Variants in TMEM154 observed in about 807,000 individuals in gnomAD.
The protein encoded by TMEM154 is transmembrane protein 154.
Under a neutral mutation model 24.5 loss-of-function variants are expected in TMEM154, and 27 were observed. The ratio of observed to expected loss-of-function variants is 1.10; its 90% confidence interval spans 0.81 to 1.52. The LOEUF (loss-of-function observed/expected upper bound fraction) is 1.52, where lower values mean the gene tolerates loss of function less well. Ranked by LOEUF, TMEM154 falls within the 40% of genes most tolerant of loss-of-function variation. The pLI is 0.00. For missense variants in TMEM154, 228 were observed against 213.4 expected, an observed-to-expected ratio of 1.07 and a Z score of -0.43; for synonymous variants, 67 against 76.8, an observed-to-expected ratio of 0.87 and a Z score of 0.67.
chr4:152,647,237 G>A (rs1368361292), intron 3 of TMEM154: 3 of 984,922 alleles, frequency 3.0e-6, no homozygotes, highest in African/African-American at 3.5e-5. Flanking sequence ...GGGACATAGT[G>A]TGCAGGTGTC....
intron 3 of TMEM154, chr4:152,646,935 G>T: frequency 2.8e-6 from 2 of 702,690 alleles, no homozygotes; most frequent in Admixed American, 2.0e-5. Flanking sequence ...TGTTTTCCCT[G>T]CAGCTCTTTC....
intron 1 of TMEM154, among the ~76,000 whole-genome samples, chr4:152,673,450 G>A (rs1454685111): frequency 1.3e-5 from 2 of 152,056 alleles, no homozygotes; most frequent in Non-Finnish European, 2.9e-5. Context: ...ACAGGCATGC[G>A]CCACCATGCC....
chr4:152,677,166 AGCT>A (rs1728965400), intron 1 of TMEM154, among the ~76,000 whole-genome samples: 1 of 152,180 alleles, frequency 6.6e-6, no homozygotes, highest in South Asian at 2.1e-4. Flanking sequence ...GTCCCAGAAA[AGCT>A]GCTTTCTTAT....
chr4:152,643,368 ATACATT>A (rs1233301345), intron 4 of TMEM154, among the ~76,000 whole-genome samples, 195 bp from the exon 5 acceptor site: 4 of 152,218 alleles, frequency 2.6e-5, no homozygotes, highest in Non-Finnish European at 5.9e-5. Flanking sequence ...ACAAACAAAC[ATACATT>A]TATCACAGGT....
chr4:152,634,573 G>A (rs949516004), intron 6 of TMEM154, among the ~76,000 whole-genome samples: 3 of 152,302 alleles, frequency 2.0e-5, no homozygotes, highest in Admixed American at 6.5e-5. Context: ...GATCATGCCC[G>A]TGTTGTGGAT....
chr4:152,656,180 C>T (rs896298420), intron 1 of TMEM154, among the ~76,000 whole-genome samples: 1 of 152,130 alleles, frequency 6.6e-6, no homozygotes, highest in Admixed American at 6.5e-5. Context: ...TACTTGGGAC[C>T]CAGCGTGTTG....
chr4:152,667,848 T>G (rs961069880), intron 1 of TMEM154, among the ~76,000 whole-genome samples: 1 of 152,258 alleles, frequency 6.6e-6, no homozygotes, highest in African/African-American at 2.4e-5. Flanking sequence ...GGTTGTCTGG[T>G]AAAACACTTT....
chr4:152,670,155 C>T (rs993851219), intron 1 of TMEM154: 1 of 152,132 alleles, frequency 6.6e-6, no homozygotes, highest in Non-Finnish European at 1.5e-5. Flanking sequence ...TGGGTCTGAA[C>T]TTGTGTTCAT....
chr4:152,637,981 C>T (rs888794822), intron 6 of TMEM154, among the ~76,000 whole-genome samples: 7 of 152,102 alleles, frequency 4.6e-5, no homozygotes, highest in African/African-American at 9.7e-5. Context: ...TCAGACTGGG[C>T]GAGGCACAGT....
chr4:152,661,341 T>TCTCTCC (rs1554013049), intron 1 of TMEM154, among the ~76,000 whole-genome samples: 36 of 109,232 alleles, frequency 3.3e-4, no homozygotes, highest in African/African-American at 1.1e-3. Context: ...TCTCTCTCTC[T>TCTCTCC]CCCCCCAACT....
rs753285515 is a variant in TMEM154 at position 152,625,100 on chromosome 4, T to C, written c.*3446A>G. On this transcript the variant is annotated 3_prime_UTR_variant, in exon 7 of 7. Coordinates refer to ENST00000304385, the MANE Select transcript of TMEM154 (RefSeq NM_152680.3). ...TCTTTAGTCAACATAAGGCCTTTTT[T>C]CAGAGATGGTGTGAATTAATAGTTT... 1 of 96,312 alleles carries C rather than the reference T, an allele frequency of 1.0e-5. No homozygotes were observed. Among genetic ancestry groups the C allele is most frequent in the African/African-American group, 2.9e-5 (1 of 34,064 alleles). The allele number at this position is 96,312 out of a possible 1,614,324, so 6.0% of individuals were successfully genotyped here. A position where few individuals can be genotyped will look rare whatever the true frequency, so the allele number is the denominator to read the frequency against.
At chr4:152,656,776 C>A (rs1357866393) in intron 1 of TMEM154, among the ~76,000 whole-genome samples, 10 of 151,816 alleles carry the variant, frequency 6.6e-5, no homozygotes, top group African/African-American at 2.4e-4. Context: ...ACAAAATTAG[C>A]CGGGCATGGT....
chr4:152,652,743 T>G lies in TMEM154; in HGVS notation c.249A>C (p.Pro83=). The G allele has an allele frequency of 6.2e-7, 1 of 1,614,050 alleles. No homozygotes were observed. The highest frequency in any genetic ancestry group is 8.5e-7 in the Non-Finnish European group (1 of 1,179,960). Residue 83 remains proline, a synonymous_variant, in exon 2 of 7, where the codon CCA becomes CCC. Transcript: ENST00000304385. ...QLEFILMVLI[P]LILLVLLLLS... The stretch of plus-strand genomic sequence containing the variant: ...AAAGTAAGAGGACCAATAAAATCAA[T>G]GGGATTAACACCATCAGTATAAACT...
intron 6 of TMEM154, among the ~76,000 whole-genome samples, chr4:152,637,113 G>A (rs1344756743): frequency 6.6e-6 from 1 of 152,108 alleles, no homozygotes; most frequent in African/African-American, 2.4e-5. Context: ...GAGGGTATAT[G>A]GGAACTCTGT....
At position 152,622,997 on chromosome 4, in the gene TMEM154, T is replaced by G. The variant is rs1561040458; in HGVS notation, c.*5549A>C. ...GATTACAGGTGTGTACTACCACACCTGGCTAATTTTTGCATTTTTGTAAAA... is the reference window on the plus strand; with the variant it reads ...GATTACAGGTGTGTACTACCACACCGGGCTAATTTTTGCATTTTTGTAAAA... On this transcript the variant is annotated 3_prime_UTR_variant, in exon 7 of 7. Coordinates refer to ENST00000304385, the MANE Select transcript of TMEM154 (RefSeq NM_152680.3). The G allele has an allele frequency of 6.6e-6, 1 of 152,196 alleles. No individual in the cohort carries two copies. Among genetic ancestry groups the G allele is most frequent in the Non-Finnish European group, 1.5e-5 (1 of 68,032 alleles). 9.4% of individuals were successfully genotyped at this position (152,196 alleles called of 1,614,324 possible).
chr4:152,646,596 G>A (rs933655193), intron 3 of TMEM154: 1 of 220,550 alleles, frequency 4.5e-6, no homozygotes, highest in Admixed American at 5.5e-5. Context: ...CTCTTACAAA[G>A]CTCCATCTCA....
rs1320930830 is a variant in TMEM154 at position 152,626,814 on chromosome 4, G to T, written c.*1732C>A. On this transcript the variant is annotated 3_prime_UTR_variant, in exon 7 of 7. Transcript: ENST00000304385. ...AATGTTGATGAGAAACAAACTGAAA[G>T]TAGCACACATAGGCAGAAAAATAGA... 6.6e-6 allele frequency: 1 copy of T among 152,160 alleles called. No homozygotes were observed. Among genetic ancestry groups the T allele is most frequent in the African/African-American group, 2.4e-5 (1 of 41,444 alleles). The allele number at this position is 152,160 out of a possible 1,614,324, so 9.4% of individuals were successfully genotyped here. A position where few individuals can be genotyped will look rare whatever the true frequency, so the allele number is the denominator to read the frequency against.
At chr4:152,646,679 A>G (rs1195473793) in intron 3 of TMEM154, 1 of 395,040 alleles carries the variant, frequency 2.5e-6, no homozygotes, top group Admixed American at 4.3e-5. Context: ...CTCCTCCTTC[A>G]GTTCCTACTT....
rs115777263 is a variant in TMEM154 at position 152,648,313 on chromosome 4, T to A, written c.365-3871A>T. 5.9e-5 allele frequency among the ~76,000 whole-genome samples: 9 copies of A among 151,990 alleles called. No homozygotes were observed. In the South Asian group the frequency reaches 6.2e-4, roughly 11 times the overall value. ...GCCTGAGCAACATAGCAAGACTCCA[T>A]CTCTACAAAACGTTTTTTAAAAATG... On this transcript the variant is annotated intron_variant, in intron 3 of 6. Coordinates refer to ENST00000304385, the MANE Select transcript of TMEM154 (RefSeq NM_152680.3).
Sources: allele counts gnomAD v4.1 joint callset (sites outside exome capture counted in the v4.1 genomes callset), GRCh38; gene constraint gnomAD v4.1.1; transcripts MANE v1.5; gene names NCBI Gene and HGNC (gene_info 2026-07-23, HGNC 2026-07-21).